Variants in GRXCR1 observed in about 807,000 individuals in gnomAD.
The protein encoded by GRXCR1 is glutaredoxin and cysteine rich domain containing 1.
In GRXCR1, 27 loss-of-function variants were observed where a neutral mutation model predicts 27.3. The observed-to-expected ratio is 0.99, with a 90% confidence interval of 0.73 to 1.37. The LOEUF is 1.37. Among genes scored for constraint, GRXCR1 ranks in the 40% most tolerant of loss-of-function variants. The pLI is 0.00. For synonymous variants in GRXCR1, 122 were observed against 131.1 expected, an observed-to-expected ratio of 0.93 and a Z score of 0.47; for missense variants, 379 against 354.4, an observed-to-expected ratio of 1.07 and a Z score of -0.56.
chr4:43,014,169 G>A (rs919231735), intron 2 of GRXCR1, among the ~76,000 whole-genome samples: 42 of 152,016 alleles, frequency 2.8e-4, no homozygotes, highest in African/African-American at 9.9e-4. Flanking sequence ...AGCCTTTACT[G>A]CATTTTTAAA....
At chr4:43,029,432 T>TA (rs1374750147) in intron 3 of GRXCR1, among the ~76,000 whole-genome samples, 1 of 152,178 alleles carries the variant, frequency 6.6e-6, no homozygotes, top group Non-Finnish European at 1.5e-5. Flanking sequence ...TTTTTGCAAG[T>TA]CGGAAGCTTA....
At chr4:42,984,790 G>C (rs1027172525) in intron 2 of GRXCR1, among the ~76,000 whole-genome samples, 2 of 152,202 alleles carry the variant, frequency 1.3e-5, no homozygotes, top group African/African-American at 4.8e-5. Flanking sequence ...ATCTGGGGCT[G>C]CTGAAGTTGG....
At chr4:42,972,854 T>TC (rs1264481587) in intron 2 of GRXCR1, among the ~76,000 whole-genome samples, 1 of 152,162 alleles carries the variant, frequency 6.6e-6, no homozygotes, top group Non-Finnish European at 1.5e-5. Flanking sequence ...CCTTCAGTTC[T>TC]ACTCTTTAGC....
chr4:42,942,601 G>C (rs1383472672), intron 1 of GRXCR1, among the ~76,000 whole-genome samples: 1 of 152,074 alleles, frequency 6.6e-6, no homozygotes, highest in Non-Finnish European at 1.5e-5. Flanking sequence ...TCTGTGATTT[G>C]CAATCTGCAG....
intron 2 of GRXCR1, among the ~76,000 whole-genome samples, chr4:42,992,753 G>A (rs2109791860): frequency 6.6e-6 from 1 of 152,128 alleles, no homozygotes; most frequent in African/African-American, 2.4e-5. Context: ...CTAAGGTGAG[G>A]TGATTGTGAG....
At chr4:42,977,853 C>T (rs1381777658) in intron 2 of GRXCR1, among the ~76,000 whole-genome samples, 4 of 151,894 alleles carry the variant, frequency 2.6e-5, no homozygotes, top group Admixed American at 1.3e-4. Flanking sequence ...CCTGTGCTTT[C>T]GGAGTCATAT....
rs909030889 is a variant in GRXCR1, at chr4:43,023,989, G to A, written c.693+3570G>A. Among the ~76,000 whole-genome samples, 4 of 152,078 alleles carry A rather than the reference G, an allele frequency of 2.6e-5. No individual in the cohort carries two copies. In the East Asian group the frequency reaches 7.7e-4, roughly 29 times the overall value. ...CACAATACAATAACCAAGATGGATA[G>A]CTAATTCTGCTGGTGTCCATGCAGG... is the stretch of plus-strand genomic sequence containing the variant. On this transcript the variant is annotated intron_variant, in intron 3 of 3. Coordinates refer to ENST00000399770, the MANE Select transcript of GRXCR1 (RefSeq NM_001080476.3).
intron 1 of GRXCR1, among the ~76,000 whole-genome samples, chr4:42,941,878 T>A (rs1052490614): frequency 6.6e-6 from 1 of 152,038 alleles, no homozygotes. Context: ...AGTTAAGGTA[T>A]GTGGCAATAT....
intron 2 of GRXCR1, among the ~76,000 whole-genome samples, chr4:42,991,538 C>T (rs563801756): frequency 1.2e-3 from 189 of 151,642 alleles, no homozygotes; most frequent in African/African-American, 4.4e-3. Flanking sequence ...TTTAAGGGAA[C>T]AAGGTGGGAG....
chr4:43,003,315 TA>T (rs554868385), intron 2 of GRXCR1, among the ~76,000 whole-genome samples: 1 of 151,422 alleles, frequency 6.6e-6, no homozygotes. Flanking sequence ...ATAATAAAAT[TA>T]AAAAAAACAG....
At chr4:42,904,574 T>A (rs558900186) in intron 1 of GRXCR1, among the ~76,000 whole-genome samples, 2 of 152,328 alleles carry the variant, frequency 1.3e-5, no homozygotes, top group South Asian at 2.1e-4. Flanking sequence ...TTATCTTCTA[T>A]AAATCTTAGT....
chr4:42,920,403 A>G (rs2109750459), intron 1 of GRXCR1, among the ~76,000 whole-genome samples: 1 of 152,322 alleles, frequency 6.6e-6, no homozygotes, highest in South Asian at 2.1e-4. Flanking sequence ...ACCACATTAA[A>G]TGCAAACATC....
intron 1 of GRXCR1, among the ~76,000 whole-genome samples, chr4:42,898,322 A>G (rs1215856896): frequency 2.6e-5 from 4 of 151,974 alleles, no homozygotes; most frequent in African/African-American, 9.7e-5. Flanking sequence ...TGTATTTTTA[A>G]AAGGTTTATA....
intron 1 of GRXCR1, among the ~76,000 whole-genome samples, chr4:42,958,981 T>C (rs1224808938): frequency 1.3e-5 from 2 of 151,912 alleles, no homozygotes; most frequent in Admixed American, 1.3e-4. Flanking sequence ...GGGAAGTAGA[T>C]TACTGTAGCC....
chr4:42,979,384 T>A (rs964849042), intron 2 of GRXCR1, among the ~76,000 whole-genome samples: 1 of 152,026 alleles, frequency 6.6e-6, no homozygotes, highest in Non-Finnish European at 1.5e-5. Context: ...GAGAGTTTTT[T>A]ATTATGAAAA....
intron 1 of GRXCR1, among the ~76,000 whole-genome samples, chr4:42,930,752 G>A (rs1227549688): frequency 6.6e-6 from 1 of 151,992 alleles, no homozygotes; most frequent in Non-Finnish European, 1.5e-5. Flanking sequence ...ATCATCGATA[G>A]ACATAGTGAT....
chr4:42,990,532 G>C (rs951973667), intron 2 of GRXCR1, among the ~76,000 whole-genome samples: 1 of 151,832 alleles, frequency 6.6e-6, no homozygotes, highest in Non-Finnish European at 1.5e-5. Flanking sequence ...TATTTTCATA[G>C]TATATTTAAA....
intron 1 of GRXCR1, among the ~76,000 whole-genome samples, chr4:42,899,890 T>C (rs1376932696): frequency 2.0e-5 from 3 of 152,176 alleles, no homozygotes; most frequent in African/African-American, 7.2e-5. Flanking sequence ...GTCTGAATTC[T>C]GGCTTTAGAA....
intron 1 of GRXCR1, among the ~76,000 whole-genome samples, chr4:42,959,664 TA>T (rs1748087319): frequency 6.6e-6 from 1 of 151,930 alleles, no homozygotes; most frequent in African/African-American, 2.4e-5. Flanking sequence ...ATGTACAACT[TA>T]AAAATATATA....
Sources: allele counts gnomAD v4.1 joint callset (sites outside exome capture counted in the v4.1 genomes callset), GRCh38; gene constraint gnomAD v4.1.1; transcripts MANE v1.5; gene names NCBI Gene and HGNC (gene_info 2026-07-23, HGNC 2026-07-21).